Variants in TENM1 observed in about 807,000 individuals in gnomAD.
The protein encoded by TENM1 is teneurin-1.
A neutral mutation model predicts 174.8 loss-of-function variants in TENM1; 35 were observed. That is an observed-to-expected ratio of 0.20 (90% CI 0.15 to 0.27). TENM1 has a LOEUF of 0.27. TENM1 is among the 10% of genes least tolerant of loss of function. TENM1 has a pLI of 1.00. For synonymous variants in TENM1, 781 were observed against 798.7 expected (o/e 0.98, Z 0.37); for missense variants, 1,633 against 2,130.1 (o/e 0.77, Z 4.59).
At chrX:124,860,753 C>A (rs972294992) in intron 3 of TENM1, among the ~76,000 whole-genome samples, 1 of 111,620 alleles carries the variant, frequency 9.0e-6, no homozygotes, top group Non-Finnish European at 1.9e-5. Flanking sequence ...TGGGTAAAGA[C>A]CAACCGCTTC....
chrX:124,903,973 C>A (rs958801239), intron 1 of TENM1, among the ~76,000 whole-genome samples: 35 of 111,295 alleles, frequency 3.1e-4, no homozygotes, highest in African/African-American at 1.1e-3. Context: ...AACCTGAATC[C>A]TTGTTGCCCA....
At chrX:124,553,372 C>T (rs1418307544) in intron 14 of TENM1, among the ~76,000 whole-genome samples, 1 of 108,451 alleles carries the variant, frequency 9.2e-6, no homozygotes, top group Non-Finnish European at 1.9e-5. Context: ...TGGTGGTGGG[C>T]ATCTGTAATC....
At chrX:124,864,124 TGGC>T (rs1383951748) in intron 3 of TENM1, among the ~76,000 whole-genome samples, 1 of 112,131 alleles carries the variant, frequency 8.9e-6, no homozygotes, top group Non-Finnish European at 1.9e-5. Flanking sequence ...CCAAGAAGGT[TGGC>T]TACAAATAAA....
At chrX:124,802,982 A>C (rs753312714) in intron 3 of TENM1, among the ~76,000 whole-genome samples, 3 of 112,097 alleles carry the variant, frequency 2.7e-5, no homozygotes, top group Non-Finnish European at 5.6e-5. Context: ...AATTCAAAGA[A>C]ATATTTTTAA....
intron 3 of TENM1, among the ~76,000 whole-genome samples, chrX:124,802,122 T>A (rs2055469494): frequency 8.9e-6 from 1 of 111,950 alleles, no homozygotes; most frequent in Non-Finnish European, 1.9e-5. Context: ...AATTTGCCCA[T>A]CTCATCCTCC....
the TENM1 span, among the ~76,000 whole-genome samples, chrX:125,079,137 T>C: frequency 9.0e-6 from 1 of 111,718 alleles, no homozygotes; most frequent in Non-Finnish European, 1.9e-5. Flanking sequence ...TAAAGGGCTG[T>C]GGATGAAAAC....
chrX:125,027,611 CTTTT>C, the TENM1 span, among the ~76,000 whole-genome samples: 1 of 83,069 alleles, frequency 1.2e-5, no homozygotes, highest in African/African-American at 4.5e-5. Context: ...TTTTCTTTTT[CTTTT>C]TTTTTTTTTT....
intron 11 of TENM1, among the ~76,000 whole-genome samples, chrX:124,596,575 C>T (rs1003655642): frequency 8.0e-5 from 9 of 111,860 alleles, no homozygotes; most frequent in African/African-American, 2.6e-4. Context: ...AGGATTTTGA[C>T]CATTTTTAGG....
chrX:124,816,614 G>T (rs772440701), intron 3 of TENM1, among the ~76,000 whole-genome samples: 41 of 111,464 alleles, frequency 3.7e-4, no homozygotes, highest in Non-Finnish European at 4.7e-4. Context: ...CCCAGCCACT[G>T]TACTCATAAT....
chrX:124,601,997 CAA>C (rs2148281894), intron 11 of TENM1, among the ~76,000 whole-genome samples: 1 of 110,972 alleles, frequency 9.0e-6, no homozygotes, highest in South Asian at 3.8e-4. Flanking sequence ...TAGAAAAATT[CAA>C]AGTTGGATAC....
At chrX:124,395,527 AG>A (rs1271168169) in intron 27 of TENM1, among the ~76,000 whole-genome samples, 2 of 111,503 alleles carry the variant, frequency 1.8e-5, no homozygotes, top group East Asian at 5.6e-4. Flanking sequence ...CGTTTGTGTC[AG>A]GGGTAGGTTT....
At chrX:125,033,539 A>G in the TENM1 span, among the ~76,000 whole-genome samples, 1 of 111,808 alleles carries the variant, frequency 8.9e-6, no homozygotes, top group African/African-American at 3.2e-5. Flanking sequence ...TGAAGTTGAG[A>G]GTAGAAAAAG....
At chrX:125,051,288 A>G in the TENM1 span, among the ~76,000 whole-genome samples, 1 of 111,355 alleles carries the variant, frequency 9.0e-6, no homozygotes, top group Non-Finnish European at 1.9e-5. Flanking sequence ...TTATAGATTC[A>G]ATGCCATCCC....
the TENM1 span, among the ~76,000 whole-genome samples, chrX:125,137,422 CTT>C: frequency 3.0e-5 from 3 of 98,970 alleles, no homozygotes; most frequent in African/African-American, 7.3e-5. Context: ...CAGCACAATA[CTT>C]TTTTTTTTTT....
At chrX:124,686,157 T>C (rs751414333) in intron 5 of TENM1, among the ~76,000 whole-genome samples, 1 of 110,874 alleles carries the variant, frequency 9.0e-6, no homozygotes, top group African/African-American at 3.3e-5. Context: ...TAAGTGGATT[T>C]CTCGGCAGAA....
Position 124,539,191 on chromosome X carries a change from T to C in TENM1, c.2651+7683A>G, listed in dbSNP as rs140800351. The stretch of plus-strand genomic sequence containing the variant: ...AGGCCCCTAAAAGTCAACAGCAGGC[T>C]CCAGTTTCTGTTAAAATCTATTGCA... On this transcript the variant is annotated intron_variant, in intron 15 of 31. Transcript: ENST00000422452. Among the ~76,000 whole-genome samples the C allele has an allele frequency of 5.7e-3, 641 of 111,755 alleles. 4 individuals carry two copies. Among genetic ancestry groups the C allele is most frequent in the African/African-American group, 0.02 (605 of 30,769 alleles).
chrX:125,072,724 A>G, the TENM1 span, among the ~76,000 whole-genome samples: 1 of 111,511 alleles, frequency 9.0e-6, no homozygotes, highest in African/African-American at 3.2e-5. Flanking sequence ...TAATAATAAA[A>G]TAAAAAAAAG....
chrX:125,146,207 C>T, the TENM1 span, among the ~76,000 whole-genome samples: 3 of 111,277 alleles, frequency 2.7e-5, no homozygotes, highest in South Asian at 1.1e-3. Context: ...GTACCAGTTG[C>T]TTTACCAGAT....
chrX:124,563,153 A>C (rs2148165680), intron 13 of TENM1, among the ~76,000 whole-genome samples: 1 of 110,681 alleles, frequency 9.0e-6, no homozygotes, highest in East Asian at 2.8e-4. Context: ...GGGACATATT[A>C]AACTTCTGAA....
Sources: gnomAD v4.1 joint callset for allele counts (sites outside exome capture counted in the v4.1 genomes callset) on GRCh38, gnomAD v4.1.1 for gene constraint, MANE v1.5 for transcripts, NCBI Gene and HGNC (gene_info 2026-07-23, HGNC 2026-07-21) for gene names.